The following KLHL5 variants were observed in gnomAD, a reference collection of about 807,000 sequenced individuals.
The protein encoded by KLHL5 is kelch like family member 5.
KLHL5 carries 48 observed loss-of-function variants against 77.7 expected under a neutral mutation model. The ratio of observed to expected loss-of-function variants is 0.62; its 90% CI spans 0.49 to 0.79. The LOEUF (loss-of-function observed/expected upper bound fraction) is 0.79, where lower values mean the gene tolerates loss of function less well. Ranked by LOEUF, KLHL5 falls within the 30% of genes least tolerant of loss-of-function variation. KLHL5 has a pLI of 0.00. For synonymous variants in KLHL5, 260 were observed against 297.0 expected (o/e 0.88, Z 1.28); for missense variants, 723 against 859.7 (o/e 0.84, Z 1.99).
the KLHL5 span, among the ~76,000 whole-genome samples, chr4:39,133,367 G>C: frequency 6.6e-6 from 1 of 151,908 alleles, no homozygotes; most frequent in Non-Finnish European, 1.5e-5. Flanking sequence ...GACTCCCAGG[G>C]AGCCAGGTAG....
At chr4:39,073,641 T>TTTTA (rs1183870989) in intron 1 of KLHL5, among the ~76,000 whole-genome samples, 1 of 151,694 alleles carries the variant, frequency 6.6e-6, no homozygotes, top group Non-Finnish European at 1.5e-5. Context: ...TTATTATTAT[T>TTTTA]TTTATTTATT....
In KLHL5 at chr4:39,081,909, T is replaced by C; in HGVS notation, c.704-54T>C. 7.7e-7 allele frequency: 1 copy of C among 1,299,820 alleles called. No homozygotes were observed. Among genetic ancestry groups the C allele is most frequent in the Non-Finnish European group, 1.1e-6 (1 of 948,468 alleles). The allele number at this position is 1,299,820 out of a possible 1,614,324, so 80.5% of individuals were successfully genotyped here. Reference sequence around the variant, plus strand: ...ACTACTGTTAACATCAATTATTTTATAAAATAAGGTTAATGTAGTTCCATG... The same window carrying C: ...ACTACTGTTAACATCAATTATTTTACAAAATAAGGTTAATGTAGTTCCATG... On this transcript the variant is annotated intron_variant, in intron 3 of 10. Coordinates refer to ENST00000504108, the MANE Select transcript of KLHL5 (RefSeq NM_015990.5). The surrounding 1 kb of genome is among the most constrained non-coding windows in gnomAD (Gnocchi z 4.3).
intron 5 of KLHL5, among the ~76,000 whole-genome samples, 177 bp downstream of exon 5, chr4:39,086,904 CTT>C (rs71643263): frequency 1.4e-4 from 11 of 78,350 alleles, no homozygotes; most frequent in African/African-American, 5.2e-4. Flanking sequence ...AAGTAACATT[CTT>C]TTTTTTTTTT....
At position 39,113,104 on chromosome 4, in the gene KLHL5, G is replaced by A; in HGVS notation, c.1773G>A (p.Leu591=). The A allele has an allele frequency of 1.2e-6, 2 of 1,614,010 alleles. No individual in the cohort carries two copies. Among genetic ancestry groups the A allele is most frequent in the Non-Finnish European group, 1.7e-6 (2 of 1,179,914 alleles). Residue 591 remains leucine (L), a synonymous_variant, in exon 9 of 11, where the codon CTG becomes CTA. Coordinates refer to ENST00000504108, the MANE Select transcript of KLHL5 (RefSeq NM_015990.5). ...CFDPHTNKWT[L]CAQMSKRRGG... ...ATCCTCATACTAATAAGTGGACACT[G>A]TGTGCACAGATGTCAAAAAGGAGAG...
chr4:39,112,741 C>G (rs994991202), intron 8 of KLHL5: 1 of 372,406 alleles, frequency 2.7e-6, no homozygotes, highest in African/African-American at 2.1e-5. Context: ...ATGCATATTA[C>G]AACCAATGGT....
chr4:39,101,836 A>G (rs1721570378), intron 6 of KLHL5, among the ~76,000 whole-genome samples: 1 of 123,910 alleles, frequency 8.1e-6, no homozygotes, highest in Admixed American at 9.2e-5. Flanking sequence ...ATAAAGCAAC[A>G]GTCTGTCTCA....
chr4:39,072,930 A>G (rs1577665475), intron 1 of KLHL5, among the ~76,000 whole-genome samples: 1 of 152,158 alleles, frequency 6.6e-6, no homozygotes, highest in Admixed American at 6.6e-5. Flanking sequence ...TTAAATAGCT[A>G]AAAGAGAGGG....
rs34713116 is a variant in KLHL5, at chr4:39,048,638, C to CTTTTTTTT, written c.-95+3556_-95+3563dup. The stretch of plus-strand genomic sequence containing the variant: ...AAAGGATGTGGTGATTTTACATTGG[C>CTTTTTTTT]TTTTTTTTTTTTTTTTTTTTTGGAG... On this transcript the variant is annotated intron_variant, in intron 1 of 11. Transcript: ENST00000261425. 1.1e-3 allele frequency among the ~76,000 whole-genome samples: 90 copies of CTTTTTTTT among 79,126 alleles called. 9 individuals carry two copies. The highest frequency in any genetic ancestry group is 3.2e-3 in the African/African-American group (60 of 18,590). 51.9% of individuals were successfully genotyped at this position (79,126 alleles called of 152,430 possible). A position where few individuals can be genotyped will look rare whatever the true frequency, so the allele number is the denominator to read the frequency against.
At chr4:39,136,255 G>T in the KLHL5 span, among the ~76,000 whole-genome samples, 1 of 151,936 alleles carries the variant, frequency 6.6e-6, no homozygotes, top group African/African-American at 2.4e-5. Context: ...CACCTGCCGG[G>T]TTCAAGAGAT....
At chr4:39,115,733 A>G (rs893491371) in intron 10 of KLHL5, 4 of 1,139,038 alleles carry the variant, frequency 3.5e-6, no homozygotes, top group Non-Finnish European at 4.3e-6. Flanking sequence ...CAACCCATTG[A>G]TATCTGGGAG....
the KLHL5 span, among the ~76,000 whole-genome samples, chr4:39,134,727 A>G: frequency 6.6e-6 from 1 of 152,266 alleles, no homozygotes; most frequent in Non-Finnish European, 1.5e-5. Flanking sequence ...CTTTTTAAAT[A>G]TGTTCTGTGA....
At chr4:39,132,735 A>G in the KLHL5 span, among the ~76,000 whole-genome samples, 1 of 152,248 alleles carries the variant, frequency 6.6e-6, no homozygotes, top group Non-Finnish European at 1.5e-5. Context: ...CCCACAGAAA[A>G]TAGCACAAGG....
intron 2 of KLHL5, among the ~76,000 whole-genome samples, chr4:39,078,882 C>T (rs1455761858): frequency 6.7e-6 from 1 of 150,096 alleles, no homozygotes; most frequent in Non-Finnish European, 1.5e-5. Context: ...CACCCATTGC[C>T]CCAAAACCTA....
chr4:39,116,071 G>A (rs1722813496), intron 10 of KLHL5: 1 of 977,342 alleles, frequency 1.0e-6, no homozygotes, highest in East Asian at 1.1e-4. Flanking sequence ...GGTGGCTTAT[G>A]CCTATAATCC....
At position 39,104,551 on chromosome 4, in the gene KLHL5, G is replaced by A. The variant is rs529983329; in HGVS notation, c.1525+1040G>A. On this transcript the variant is annotated intron_variant, in intron 7 of 10. Coordinates refer to ENST00000504108, the MANE Select transcript of KLHL5 (RefSeq NM_015990.5). ...TGATTGCTCATAGTCCAGCTGTTTC[G>A]TGCAGATGACATTGTGCATTGAATA... Among the ~76,000 whole-genome samples, 4 of 152,204 alleles carry A rather than the reference G, an allele frequency of 2.6e-5. No homozygotes were observed. The East Asian group carries it at 5.8e-4, about 22-fold the overall frequency.
intron 1 of KLHL5, among the ~76,000 whole-genome samples, chr4:39,056,583 A>G (rs558261083): frequency 2.0e-5 from 3 of 152,176 alleles, no homozygotes; most frequent in Non-Finnish European, 4.4e-5. Flanking sequence ...TATCGAGTGA[A>G]TAGAATACAA....
chr4:39,075,034 T>C (rs959376680), intron 1 of KLHL5, among the ~76,000 whole-genome samples: 13 of 152,192 alleles, frequency 8.5e-5, no homozygotes, highest in African/African-American at 3.1e-4. Context: ...GTAAATCATA[T>C]GAAAACAGAA....
intron 5 of KLHL5, among the ~76,000 whole-genome samples, chr4:39,091,484 A>G (rs1448767838): frequency 2.6e-5 from 4 of 151,948 alleles, no homozygotes; most frequent in East Asian, 1.9e-4. Flanking sequence ...AGACATATAT[A>G]CATTATTTAA....
In KLHL5 at chr4:39,096,750, T is replaced by G; in HGVS notation, c.1172T>G (p.Leu391Arg). Reference sequence around the variant, plus strand: ...CGGGATGATATAGAATGTCAGAAACTCATTATGGAAGCAATGAAGTACCAT... The same window carrying G: ...CGGGATGATATAGAATGTCAGAAACGCATTATGGAAGCAATGAAGTACCAT... ...LFRDDIECQK[L>R]IMEAMKYHLL... The change falls in exon 6 of 11, where the codon CTC (leucine) becomes CGC (arginine). Residue 391 changes from leucine (L) to arginine (R), a missense_variant. By Grantham distance (102) the Leu-to-Arg change is moderately radical. This residue lies in a region of KLHL5 where 288 missense variants were observed against 400.3 expected (regional missense o/e 0.72). Coordinates refer to ENST00000504108, the MANE Select transcript of KLHL5 (RefSeq NM_015990.5). 1 of 1,613,340 alleles carries G rather than the reference T, an allele frequency of 6.2e-7. No individual in the cohort carries two copies. Among genetic ancestry groups the G allele is most frequent in the Non-Finnish European group, 8.5e-7 (1 of 1,179,332 alleles).
Sources: gnomAD v4.1 joint callset for allele counts (sites outside exome capture counted in the v4.1 genomes callset) on GRCh38, gnomAD v4.1.1 for gene constraint, gnomAD v4.1.1 regional missense constraint, Gnocchi (gnomAD v3.1) non-coding constraint, MANE v1.5 for transcripts, NCBI Gene and HGNC (gene_info 2026-07-23, HGNC 2026-07-21) for gene names.